The following SMYD3 variants were observed in gnomAD, a reference collection of about 807,000 sequenced individuals.
The protein encoded by SMYD3 is histone-lysine N-methyltransferase SMYD3.
A neutral mutation model predicts 57.7 loss-of-function variants in SMYD3; 36 were observed. That is an observed-to-expected ratio of 0.62 (90% CI 0.48 to 0.82). The LOEUF (loss-of-function observed/expected upper bound fraction) is 0.82. Ranked by LOEUF, SMYD3 falls within the 40% of genes least tolerant of loss-of-function variation. SMYD3 has a pLI of 0.00. For synonymous variants in SMYD3, 211 were observed against 195.0 expected, an observed-to-expected ratio of 1.08 and a Z score of -0.68; for missense variants, 515 against 538.8, an observed-to-expected ratio of 0.96 and a Z score of 0.44.
intron 5 of SMYD3, among the ~76,000 whole-genome samples, chr1:246,219,600 C>T (rs190643069): frequency 6.6e-6 from 1 of 152,264 alleles, no homozygotes; most frequent in East Asian, 1.9e-4. Context: ...CCTTTGCCCT[C>T]GTTAGCAGAA....
chr1:245,834,839 A>G (rs548431601), intron 10 of SMYD3, among the ~76,000 whole-genome samples: 93 of 152,344 alleles, frequency 6.1e-4, no homozygotes, highest in Admixed American at 1.5e-3. Flanking sequence ...ACTAAATGAC[A>G]GCAGCATTTG....
At chr1:246,405,699 G>C (rs2066851437) in intron 1 of SMYD3, among the ~76,000 whole-genome samples, 1 of 152,048 alleles carries the variant, frequency 6.6e-6, no homozygotes, top group African/African-American at 2.4e-5. Context: ...ACGAGGTCAG[G>C]AGATCGAGAC....
chr1:245,992,338 A>C (rs1485722147), intron 5 of SMYD3, among the ~76,000 whole-genome samples: 3 of 152,248 alleles, frequency 2.0e-5, no homozygotes. Context: ...CACACACACC[A>C]ACTGTGATGC....
chr1:245,971,742 A>G (rs1487113268), intron 5 of SMYD3, among the ~76,000 whole-genome samples: 2 of 152,138 alleles, frequency 1.3e-5, no homozygotes, highest in South Asian at 4.1e-4. Flanking sequence ...TTATTTTTTT[A>G]AAAATAGCAG....
At chr1:246,330,273 A>G (rs1017230367) in intron 4 of SMYD3, among the ~76,000 whole-genome samples, 2 of 152,254 alleles carry the variant, frequency 1.3e-5, no homozygotes, top group Admixed American at 6.5e-5. Flanking sequence ...GAACATCTTC[A>G]TGGCGCTTTA....
intron 5 of SMYD3, among the ~76,000 whole-genome samples, chr1:246,199,237 T>C (rs190409027): frequency 1.3e-5 from 2 of 152,300 alleles, no homozygotes; most frequent in East Asian, 1.9e-4. Context: ...CAGTCTGGGA[T>C]TGTGCCTCAG....
chr1:246,366,251 A>AATT (rs1322004051), intron 1 of SMYD3, among the ~76,000 whole-genome samples: 3 of 152,258 alleles, frequency 2.0e-5, no homozygotes, highest in African/African-American at 7.2e-5. Context: ...TGTGTCATTT[A>AATT]AGGTGTGATG....
chr1:246,193,577 C>T (rs1206511657), intron 5 of SMYD3: 1 of 152,438 alleles, frequency 6.6e-6, no homozygotes, highest in African/African-American at 2.4e-5. Context: ...CACTGGCACC[C>T]CACGTTTCTC....
chr1:245,806,793 C>T (rs986537008), intron 10 of SMYD3, among the ~76,000 whole-genome samples: 4 of 150,956 alleles, frequency 2.6e-5, no homozygotes, highest in Non-Finnish European at 5.9e-5. Flanking sequence ...GCCTGTAGTC[C>T]CAGCTACTCG....
intron 1 of SMYD3, among the ~76,000 whole-genome samples, chr1:246,369,786 C>A (rs1457335706): frequency 1.3e-5 from 2 of 152,120 alleles, no homozygotes; most frequent in African/African-American, 4.8e-5. Flanking sequence ...CCTCAGCCTC[C>A]CAAAGTGCTA....
At chr1:246,113,366 A>G (rs1238444887) in intron 5 of SMYD3, among the ~76,000 whole-genome samples, 1 of 152,214 alleles carries the variant, frequency 6.6e-6, no homozygotes, top group Admixed American at 6.5e-5. Flanking sequence ...GAAATACATA[A>G]ACAATCAGCA....
At position 245,774,525 on chromosome 1, in the gene SMYD3, G is replaced by A. The variant is rs181340659; in HGVS notation, c.1077-10376C>T. 1.5e-3 allele frequency among the ~76,000 whole-genome samples: 226 copies of A among 152,278 alleles called. 1 individual carries two copies. Among genetic ancestry groups the A allele is most frequent in the African/African-American group, 5.3e-3 (221 of 41,548 alleles). ...AGCTGAAGGGTGCAGGGCTTCTGAT[G>A]ATGATGAAAATCTTCTGAAATTGAC... is the stretch of plus-strand genomic sequence containing the variant. On this transcript the variant is annotated intron_variant, in intron 10 of 11. Transcript: ENST00000490107.
intron 5 of SMYD3, chr1:246,326,690 G>C (rs1258626942): frequency 3.3e-6 from 1 of 300,318 alleles, no homozygotes; most frequent in Non-Finnish European, 6.1e-6. Context: ...CTTGATTCTG[G>C]GAGGCGGAGA....
At chr1:246,382,755 C>G (rs2066410131) in intron 1 of SMYD3, among the ~76,000 whole-genome samples, 1 of 151,274 alleles carries the variant, frequency 6.6e-6, no homozygotes, top group Admixed American at 6.6e-5. Context: ...TCTGCATACT[C>G]AAGCTCCAGG....
chr1:245,756,689 A>C (rs1348268768), intron 11 of SMYD3, among the ~76,000 whole-genome samples: 1 of 152,056 alleles, frequency 6.6e-6, no homozygotes, highest in Non-Finnish European at 1.5e-5. Flanking sequence ...ACTTGAAAAA[A>C]ATATGCTACT....
At chr1:245,770,859 A>C (rs2148085273) in intron 10 of SMYD3, among the ~76,000 whole-genome samples, 1 of 152,354 alleles carries the variant, frequency 6.6e-6, no homozygotes, top group South Asian at 2.1e-4. Flanking sequence ...TTAAGAACTT[A>C]ACAGTCTAAC....
chr1:246,323,921 T>A (rs1030941754), intron 5 of SMYD3, among the ~76,000 whole-genome samples: 1 of 151,678 alleles, frequency 6.6e-6, no homozygotes, highest in South Asian at 2.1e-4. Context: ...GTGTGAACTG[T>A]AAGTATTAAA....
rs1045899696 is a variant in SMYD3 at position 246,321,288 on chromosome 1, T to C, written c.531+5913A>G. Among the ~76,000 whole-genome samples the C allele has an allele frequency of 9.2e-5, 14 of 152,114 alleles. 1 individual carries two copies. Among genetic ancestry groups the C allele is most frequent in the Admixed American group, 8.5e-4 (13 of 15,276 alleles). ...CCAAAGTTCTATAATCCAATAAAAA[T>C]AAAGCTGAGAGGTGGGAGCAACAGT... On this transcript the variant is annotated intron_variant, in intron 5 of 11. Coordinates refer to ENST00000490107, the MANE Select transcript of SMYD3 (RefSeq NM_001167740.2).
At chr1:246,317,008 T>C (rs1023566252) in intron 5 of SMYD3, among the ~76,000 whole-genome samples, 1 of 150,606 alleles carries the variant, frequency 6.6e-6, no homozygotes, top group Non-Finnish European at 1.5e-5. Flanking sequence ...AATAAATAAA[T>C]AAATAAAATA....
Sources: allele counts gnomAD v4.1 joint callset (sites outside exome capture counted in the v4.1 genomes callset), GRCh38; gene constraint gnomAD v4.1.1; transcripts MANE v1.5; gene names NCBI Gene and HGNC (gene_info 2026-07-23, HGNC 2026-07-21).